ARID5B: variants seen among roughly 807,000 people sequenced by gnomAD.
The protein encoded by ARID5B is AT-rich interaction domain 5B.
A neutral mutation model predicts 97.2 loss-of-function variants in ARID5B; 13 were observed. That is an observed-to-expected ratio of 0.13 (90% CI 0.09 to 0.21). ARID5B has a LOEUF of 0.21. Ranked by LOEUF, ARID5B falls within the 10% of genes least tolerant of loss-of-function variation. ARID5B has a pLI of 1.00. For missense variants in ARID5B, 1,210 were observed against 1,465.3 expected (o/e 0.83, Z 2.84); for synonymous variants, 556 against 570.3 (o/e 0.97, Z 0.36).
chr10:62,039,662 G>A (rs148926535), intron 4 of ARID5B, among the ~76,000 whole-genome samples: 5 of 152,174 alleles, frequency 3.3e-5, no homozygotes, highest in African/African-American at 1.2e-4. Flanking sequence ...ACTGAGCACC[G>A]GGCAGCCGCC....
chr10:62,021,982 A>G (rs1306855369), intron 4 of ARID5B, among the ~76,000 whole-genome samples: 1 of 152,204 alleles, frequency 6.6e-6, no homozygotes, highest in Non-Finnish European at 1.5e-5. Flanking sequence ...TGTAATACCG[A>G]ATATCACATA....
At chr10:62,078,791 AAAGGAGCTTTAT>A (rs1214938490) in intron 8 of ARID5B, among the ~76,000 whole-genome samples, 1 of 152,210 alleles carries the variant, frequency 6.6e-6, no homozygotes, top group African/African-American at 2.4e-5. Flanking sequence ...AGAAAGCCCC[AAAGGAGCTTTAT>A]TAGGGAGACC....
chr10:62,051,663 G>C (rs752497572), intron 5 of ARID5B, among the ~76,000 whole-genome samples: 6 of 152,206 alleles, frequency 3.9e-5, no homozygotes, highest in Non-Finnish European at 7.3e-5. Context: ...ATGCATGCCT[G>C]AAGTATTTTG....
intron 3 of ARID5B, among the ~76,000 whole-genome samples, chr10:61,950,524 G>A (rs1838309289): frequency 6.6e-6 from 1 of 152,122 alleles, no homozygotes; most frequent in Admixed American, 6.6e-5. Context: ...TTAAAAATTA[G>A]CTGAGTTTGG....
intron 7 of ARID5B, 145 bp downstream of exon 7, chr10:62,059,440 TTTGGAAA>T: frequency 1.6e-6 from 1 of 621,676 alleles, no homozygotes; most frequent in South Asian, 2.4e-5. Flanking sequence ...ATTGGGCCGC[TTTGGAAA>T]CAGTCCCAAT....
At chr10:62,004,688 A>G (rs1479562666) in intron 4 of ARID5B, among the ~76,000 whole-genome samples, 2 of 152,208 alleles carry the variant, frequency 1.3e-5, no homozygotes, top group Non-Finnish European at 2.9e-5. Flanking sequence ...AATAGAAAAA[A>G]CAAACACATA....
intron 2 of ARID5B, among the ~76,000 whole-genome samples, chr10:61,915,470 G>T (rs1482566636): frequency 6.6e-6 from 1 of 152,176 alleles, no homozygotes; most frequent in East Asian, 1.9e-4. Context: ...GGATCTGGGG[G>T]TGAAGATTGG....
chr10:61,963,264 A>C (rs1486520240), intron 3 of ARID5B, among the ~76,000 whole-genome samples: 1 of 152,194 alleles, frequency 6.6e-6, no homozygotes, highest in African/African-American at 2.4e-5. Context: ...CAACAGTGAA[A>C]GGCCCTGTTC....
chr10:62,050,959 A>G lies in ARID5B; in HGVS notation c.805A>G (p.Lys269Glu). The change falls in exon 5 of 10, where the codon AAG (lysine) becomes GAG (glutamate). Residue 269 changes from lysine to glutamate, a missense_variant. By Grantham distance (56) the Lys-to-Glu change is moderately conservative. This residue lies in a region of ARID5B where 132 missense variants were observed against 156.7 expected (regional missense o/e 0.84). Transcript: ENST00000279873. ...PQRRDSFSGV[K>E]DSNNNSDGKA... ...AAGAAGAGATTCATTCAGTGGTGTT[A>G]AGGATTCCAACAACAATTCCGATGG... 2 of 1,614,230 alleles carry G rather than the reference A, an allele frequency of 1.2e-6. No individual in the cohort carries two copies. Among genetic ancestry groups the G allele is most frequent in the South Asian group, 1.1e-5 (1 of 91,090 alleles).
intron 2 of ARID5B, among the ~76,000 whole-genome samples, chr10:61,921,825 C>T (rs1046504812): frequency 7.9e-5 from 12 of 151,958 alleles, no homozygotes; most frequent in South Asian, 2.1e-4. Flanking sequence ...TCCTTTTTTC[C>T]CTTTTATTAG....
At chr10:62,050,794 A>G in intron 4 of ARID5B, 94 bp from the exon 5 acceptor site, 3 of 1,052,202 alleles carry the variant, frequency 2.9e-6, no homozygotes, top group South Asian at 2.9e-5. Flanking sequence ...TCTCTGAACA[A>G]TTAGAAGGGA....
At chr10:61,994,469 C>A (rs1376640502) in intron 3 of ARID5B, among the ~76,000 whole-genome samples, 1 of 152,056 alleles carries the variant, frequency 6.6e-6, no homozygotes, top group Admixed American at 6.6e-5. Context: ...TATCTATTTT[C>A]AAAAAATAGC....
At chr10:62,071,284 T>G (rs912546377) in intron 8 of ARID5B, among the ~76,000 whole-genome samples, 1 of 152,064 alleles carries the variant, frequency 6.6e-6, no homozygotes, top group Non-Finnish European at 1.5e-5. Flanking sequence ...TCCACCCACT[T>G]CGGCCTCCCA....
At chr10:62,038,296 A>G (rs1839590453) in intron 4 of ARID5B, among the ~76,000 whole-genome samples, 1 of 151,998 alleles carries the variant, frequency 6.6e-6, no homozygotes. Context: ...ATATAGAAAG[A>G]TAAATTCTGT....
chr10:62,090,831 C>A, intron 9 of ARID5B, 31 bp from the exon 10 acceptor site: 1 of 1,530,658 alleles, frequency 6.5e-7, no homozygotes, highest in Non-Finnish European at 8.7e-7. Flanking sequence ...ATTTGGTTTT[C>A]TTCTGACTGT....
intron 3 of ARID5B, among the ~76,000 whole-genome samples, chr10:61,957,332 G>A (rs1229850743): frequency 1.3e-5 from 2 of 152,086 alleles, no homozygotes; most frequent in East Asian, 1.9e-4. Flanking sequence ...GCAGTGGTGC[G>A]ATCTCGGCTC....
rs1840453441 is a variant in ARID5B at position 62,095,375 on chromosome 10, A to G, written c.*2345A>G. On this transcript the variant is annotated 3_prime_UTR_variant, in exon 10 of 10. Transcript: ENST00000279873. Reference sequence around the variant, plus strand: ...GGTTTCTATGAGTTCGTGTCTCAAAAAAAAAAGGAGGGGGGGCATCTGTCC... The same window carrying G: ...GGTTTCTATGAGTTCGTGTCTCAAAGAAAAAAGGAGGGGGGGCATCTGTCC... 8.6e-6 allele frequency: 2 copies of G among 232,092 alleles called. No homozygotes were observed. Among genetic ancestry groups the G allele is most frequent in the Non-Finnish European group, 1.7e-5 (2 of 117,984 alleles). 14.4% of individuals were successfully genotyped at this position (232,092 alleles called of 1,614,324 possible).
rs571261751 is a variant in ARID5B at position 62,004,784 on chromosome 10, A to T, written c.733+4463A>T. On this transcript the variant is annotated intron_variant, in intron 4 of 9. Transcript: ENST00000279873. The stretch of plus-strand genomic sequence containing the variant: ...CAGTGTTTACATTAATATCACACAG[A>T]TTGATTTCACATGTGTGAAGTGTTG... Among the ~76,000 whole-genome samples the T allele has an allele frequency of 7.9e-4, 121 of 152,356 alleles. 1 individual carries two copies. Among genetic ancestry groups the T allele is most frequent in the African/African-American group, 2.8e-3 (115 of 41,576 alleles).
intron 3 of ARID5B, among the ~76,000 whole-genome samples, chr10:61,961,399 C>T (rs1219159401): frequency 2.6e-5 from 4 of 152,180 alleles, no homozygotes; most frequent in Admixed American, 6.5e-5. Context: ...TCTTGGGCAA[C>T]AGCCTAACCT....
Sources: allele counts gnomAD v4.1 joint callset (sites outside exome capture counted in the v4.1 genomes callset), GRCh38; gene constraint gnomAD v4.1.1; regional missense constraint gnomAD v4.1.1; transcripts MANE v1.5; gene names NCBI Gene and HGNC (gene_info 2026-07-23, HGNC 2026-07-21).